ARMC1: variants seen among roughly 807,000 people sequenced by gnomAD.
ARMC1 encodes armadillo repeat containing 1.
ARMC1 carries 16 observed loss-of-function variants against 31.4 expected under a neutral mutation model. The ratio of observed to expected loss-of-function variants is 0.51; its 90% CI spans 0.34 to 0.77. ARMC1 has a LOEUF of 0.77. Ranked by LOEUF, ARMC1 falls within the 30% of genes least tolerant of loss-of-function variation. The pLI is 0.01. For synonymous variants in ARMC1, 114 were observed against 118.9 expected, an observed-to-expected ratio of 0.96 and a Z score of 0.27; for missense variants, 259 against 347.5, an observed-to-expected ratio of 0.75 and a Z score of 2.02.
intron 2 of ARMC1, among the ~76,000 whole-genome samples, chr8:65,626,417 A>C (rs1808512615): frequency 1.3e-5 from 2 of 149,180 alleles, no homozygotes; most frequent in East Asian, 2.0e-4. Flanking sequence ...CAGCCTAGTT[A>C]ACATAGCTAC....
intron 2 of ARMC1, among the ~76,000 whole-genome samples, chr8:65,626,458 A>AAT (rs1554542128): frequency 6.7e-6 from 1 of 150,096 alleles, no homozygotes; most frequent in African/African-American, 2.4e-5. Flanking sequence ...AAAAAAAAAA[A>AAT]TTTATTTATA....
intron 3 of ARMC1, among the ~76,000 whole-genome samples, chr8:65,621,297 G>A (rs1378471590): frequency 6.6e-6 from 1 of 152,084 alleles, no homozygotes; most frequent in African/African-American, 2.4e-5. Flanking sequence ...ACAGGATGAG[G>A]GGAGAAATAG....
intron 4 of ARMC1, among the ~76,000 whole-genome samples, chr8:65,610,012 AG>A (rs1808096819): frequency 6.6e-6 from 1 of 152,182 alleles, no homozygotes; most frequent in African/African-American, 2.4e-5. Flanking sequence ...AGGTAACTTC[AG>A]GGGAACTTCC....
chr8:65,605,839 C>T (rs1466762427), intron 4 of ARMC1, among the ~76,000 whole-genome samples: 1 of 152,116 alleles, frequency 6.6e-6, no homozygotes, highest in East Asian at 1.9e-4. Flanking sequence ...CAGAACACAA[C>T]ACAGGGGGAA....
At position 65,633,554 on chromosome 8, in the gene ARMC1, G is replaced by A. The variant is rs189343559; in HGVS notation, c.-36+444C>T. On this transcript the variant is annotated intron_variant, in intron 1 of 6. Coordinates refer to ENST00000276569, the MANE Select transcript of ARMC1 (RefSeq NM_018120.6). ...CAGTGCACTAAGTATCACGAAAGGAGTTGCTAACTGCACGAATACCTACCC... is the reference window on the plus strand; with the variant it reads ...CAGTGCACTAAGTATCACGAAAGGAATTGCTAACTGCACGAATACCTACCC... Among the ~76,000 whole-genome samples, 73 of 152,342 alleles carry A rather than the reference G, an allele frequency of 4.8e-4. 1 individual carries two copies. Among genetic ancestry groups the A allele is most frequent in the Admixed American group, 3.3e-3 (50 of 15,302 alleles).
intron 2 of ARMC1, among the ~76,000 whole-genome samples, chr8:65,624,325 C>A (rs1808466607): frequency 6.7e-6 from 1 of 150,346 alleles, no homozygotes; most frequent in African/African-American, 2.4e-5. Context: ...ATGGCGAAAC[C>A]CTGTCTCTAC....
At chr8:65,620,351 G>C (rs183804642) in intron 3 of ARMC1, among the ~76,000 whole-genome samples, 12 of 132,564 alleles carry the variant, frequency 9.1e-5, no homozygotes, top group Non-Finnish European at 1.8e-4. Context: ...GCCCAGGCTA[G>C]AGTGCAGTGG....
chr8:65,628,399 T>TG, intron 1 of ARMC1, among the ~76,000 whole-genome samples: 1 of 138,312 alleles, frequency 7.2e-6, no homozygotes, highest in African/African-American at 2.7e-5. Flanking sequence ...TAATTTTTTT[T>TG]TTTTTTTTTT....
At chr8:65,633,636 A>G (rs1808700016) in intron 1 of ARMC1, 1 of 152,272 alleles carries the variant, frequency 6.6e-6, no homozygotes, top group Non-Finnish European at 1.5e-5. Context: ...TCTCTCTTGA[A>G]TTAAGCCTAA....
chr8:65,627,150 T>G, intron 2 of ARMC1, 66 bp downstream of exon 2: 1 of 1,452,524 alleles, frequency 6.9e-7, no homozygotes, highest in Non-Finnish European at 9.2e-7. Flanking sequence ...CATCTAGCAC[T>G]TTTTCCAAAT....
At chr8:65,617,099 G>T (rs1808286719) in intron 3 of ARMC1, among the ~76,000 whole-genome samples, 1 of 152,312 alleles carries the variant, frequency 6.6e-6, no homozygotes, top group East Asian at 1.9e-4. Context: ...CCTCTGCCCG[G>T]CGGCCACCCT....
In ARMC1 at chr8:65,604,535, C is replaced by T. The variant is rs771277399; in HGVS notation, c.708G>A (p.Glu236=). The change falls in exon 7 of 7, where the codon GAG becomes GAA. Residue 236 remains glutamate (E), a synonymous_variant. Transcript: ENST00000276569. ...DTPVEVEQNT[E]LPDYLPEDES... ...CATCCTCAGGCAGGTAGTCAGGTAG[C>T]TCTGTGTTCTGTTCAACTTCCACAG... 8.1e-6 allele frequency: 13 copies of T among 1,614,088 alleles called. No individual in the cohort carries two copies. In the Admixed American group the frequency reaches 8.3e-5, roughly 10 times the overall value.
chr8:65,618,991 C>T (rs564862215), intron 3 of ARMC1, among the ~76,000 whole-genome samples: 11 of 151,662 alleles, frequency 7.3e-5, no homozygotes, highest in Non-Finnish European at 1.2e-4. Context: ...TGCAGTGAGC[C>T]GAGATCGCGC....
intron 1 of ARMC1, among the ~76,000 whole-genome samples, chr8:65,630,207 A>G (rs1032458366): frequency 1.1e-4 from 16 of 147,318 alleles, no homozygotes; most frequent in Admixed American, 9.8e-4. Context: ...AAAAATAAGT[A>G]TAAGGTGATA....
Position 65,627,201 on chromosome 8 carries a change from C to T in ARMC1, c.183+15G>A, listed in dbSNP as rs1808528782. The stretch of plus-strand genomic sequence containing the variant: ...AAAAATAGAACAGAGATTGAAATTA[C>T]TAAAGGCAACTTACAAGCAAAGCGG... On this transcript the variant is annotated intron_variant, in intron 2 of 6. Transcript: ENST00000276569. 6.6e-7 allele frequency: 1 copy of T among 1,525,004 alleles called. No homozygotes were observed. The highest frequency in any genetic ancestry group is 8.8e-7 in the Non-Finnish European group (1 of 1,132,788). The allele number at this position is 1,525,004 out of a possible 1,614,324, so 94.5% of individuals were successfully genotyped here.
chr8:65,618,809 C>T (rs899701292), intron 3 of ARMC1, among the ~76,000 whole-genome samples: 69 of 151,612 alleles, frequency 4.6e-4, no homozygotes, highest in African/African-American at 1.6e-3. Context: ...TTTGGGAGGC[C>T]GAGGTGAGCG....
At chr8:65,622,648 T>A (rs902736045) in intron 2 of ARMC1, among the ~76,000 whole-genome samples, 1 of 151,340 alleles carries the variant, frequency 6.6e-6, no homozygotes, top group African/African-American at 2.4e-5. Flanking sequence ...TTCCATTTAG[T>A]GGGGAAGTGA....
intron 3 of ARMC1, among the ~76,000 whole-genome samples, chr8:65,619,623 G>A: frequency 6.6e-6 from 1 of 151,960 alleles, no homozygotes; most frequent in South Asian, 2.1e-4. Context: ...GAGATAGGAG[G>A]ATCACTTGAG....
intron 2 of ARMC1, 23 bp from the exon 3 acceptor site, chr8:65,622,377 T>A (rs780886561): frequency 6.3e-7 from 1 of 1,592,488 alleles, no homozygotes; most frequent in South Asian, 1.1e-5. Flanking sequence ...AAGTAATAAG[T>A]TAATTCGTCT....
Sources: allele counts gnomAD v4.1 joint callset (sites outside exome capture counted in the v4.1 genomes callset), GRCh38; gene constraint gnomAD v4.1.1; transcripts MANE v1.5; gene names NCBI Gene and HGNC (gene_info 2026-07-23, HGNC 2026-07-21).